Variants in ROBO2 observed in about 807,000 individuals in gnomAD.
The protein encoded by ROBO2 is roundabout guidance receptor 2, also known as roundabout homolog 2.
Under a neutral mutation model 160.8 loss-of-function variants are expected in ROBO2, and 53 were observed. The ratio of observed to expected loss-of-function variants is 0.33; its 90% CI spans 0.26 to 0.41. The LOEUF (loss-of-function observed/expected upper bound fraction) is 0.41. ROBO2 is among the 10% of genes least tolerant of loss of function. ROBO2 has a pLI of 1.00. For missense variants in ROBO2, 1,577 were observed against 1,722.4 expected, an observed-to-expected ratio of 0.92 and a Z score of 1.49; for synonymous variants, 664 against 611.7, an observed-to-expected ratio of 1.09 and a Z score of -1.26.
At chr3:76,943,687 C>T (rs916606335) in intron 2 of ROBO2, among the ~76,000 whole-genome samples, 26 of 152,182 alleles carry the variant, frequency 1.7e-4, no homozygotes, top group African/African-American at 6.0e-4. Context: ...AGAAAAGCCA[C>T]TGTTTGTATC....
At chr3:76,539,457 A>G (rs1255521248) in intron 2 of ROBO2, among the ~76,000 whole-genome samples, 3 of 152,166 alleles carry the variant, frequency 2.0e-5, no homozygotes, top group African/African-American at 7.2e-5. Context: ...AGAATAAACA[A>G]ATCAAATGGC....
intron 2 of ROBO2, among the ~76,000 whole-genome samples, chr3:76,934,785 A>T (rs1485011965): frequency 1.3e-5 from 2 of 152,098 alleles, no homozygotes; most frequent in African/African-American, 4.8e-5. Context: ...TTTAGAAGTA[A>T]CAGGATTACT....
At chr3:77,045,798 A>G (rs2064598379) in intron 1 of ROBO2, among the ~76,000 whole-genome samples, 1 of 152,136 alleles carries the variant, frequency 6.6e-6, no homozygotes, top group African/African-American at 2.4e-5. Flanking sequence ...ACAAGAAATC[A>G]CCACTCTACT....
In ROBO2 at chr3:76,882,565, G is replaced by T. The variant is rs1028781450; in HGVS notation, c.110-215449G>T. On this transcript the variant is annotated intron_variant, in intron 2 of 26. Transcript: ENST00000487694. ...AGCATTAGTGTTTTTAGCACTTTCAGTGCCTGTTACCTGTGTTTCTTAGCA... is the reference window on the plus strand; with the variant it reads ...AGCATTAGTGTTTTTAGCACTTTCATTGCCTGTTACCTGTGTTTCTTAGCA... Among the ~76,000 whole-genome samples, 18 of 151,572 alleles carry T rather than the reference G, an allele frequency of 1.2e-4. No homozygotes were observed. In the South Asian group the frequency reaches 1.5e-3, roughly 12 times the overall value.
In ROBO2 at chr3:76,631,691, G is replaced by T. The variant is rs78057933; in HGVS notation, c.110-466323G>T. Among the ~76,000 whole-genome samples, 10 of 152,232 alleles carry T rather than the reference G, an allele frequency of 6.6e-5. No homozygotes were observed. The East Asian group carries it at 1.7e-3, about 26-fold the overall frequency. ...GAGTTAGAGCATGGTCAGGGTGTCA[G>T]ATGTCTCTTCTTAATGGCAACTGGC... On this transcript the variant is annotated intron_variant, in intron 2 of 26. Transcript: ENST00000487694.
chr3:76,655,371 A>G (rs1575747990), intron 2 of ROBO2, among the ~76,000 whole-genome samples: 1 of 141,930 alleles, frequency 7.0e-6, no homozygotes. Flanking sequence ...AATATTTATA[A>G]AAACAAATTT....
At chr3:76,033,440 G>A (rs1465593859) in intron 2 of ROBO2, among the ~76,000 whole-genome samples, 1 of 152,108 alleles carries the variant, frequency 6.6e-6, no homozygotes, top group Admixed American at 6.6e-5. Flanking sequence ...TGCATATAGG[G>A]CCTGCTACTG....
At chr3:77,451,178 A>T (rs1350940720) in intron 2 of ROBO2, among the ~76,000 whole-genome samples, 1 of 152,146 alleles carries the variant, frequency 6.6e-6, no homozygotes, top group Non-Finnish European at 1.5e-5. Context: ...AATTTTCTTC[A>T]ATAGCTTAAA....
chr3:76,152,982 A>C (rs578103256), intron 2 of ROBO2, among the ~76,000 whole-genome samples: 1 of 152,296 alleles, frequency 6.6e-6, no homozygotes, highest in African/African-American at 2.4e-5. Flanking sequence ...CTATTAATTT[A>C]ACATATCAGT....
chr3:77,032,116 TG>T (rs1282802594), intron 2 of ROBO2, among the ~76,000 whole-genome samples: 5 of 152,150 alleles, frequency 3.3e-5, no homozygotes, highest in African/African-American at 1.2e-4. Context: ...ACTATCACAC[TG>T]GGGGTTAAGA....
intron 2 of ROBO2, among the ~76,000 whole-genome samples, chr3:76,965,783 G>GTATATA (rs1392105349): frequency 1.2e-4 from 8 of 68,016 alleles, no homozygotes; most frequent in African/African-American, 7.7e-4. Flanking sequence ...TATTGTGTTT[G>GTATATA]TGTATATATA....
At chr3:76,449,284 T>TA (rs1369105245) in intron 2 of ROBO2, among the ~76,000 whole-genome samples, 1 of 152,158 alleles carries the variant, frequency 6.6e-6, no homozygotes, top group Non-Finnish European at 1.5e-5. Context: ...GTGTATGAGC[T>TA]AAATTGAAAT....
chr3:76,273,120 AAT>A (rs749043409), intron 2 of ROBO2, among the ~76,000 whole-genome samples: 10,179 of 32,158 alleles, frequency 0.32, 1,053 homozygotes, highest in East Asian at 0.5. Flanking sequence ...CACACATATA[AAT>A]ATATATATAT....
chr3:75,944,079 T>G (rs1273881401), intron 2 of ROBO2, among the ~76,000 whole-genome samples: 1 of 152,094 alleles, frequency 6.6e-6, no homozygotes, highest in East Asian at 1.9e-4. Flanking sequence ...ACGAAATTTT[T>G]TCTAGGACTT....
At chr3:77,595,038 A>G (rs1373393859) in intron 17 of ROBO2, 104 bp from the exon 19 acceptor site, 7 of 864,100 alleles carry the variant, frequency 8.1e-6, no homozygotes, top group Non-Finnish European at 1.3e-5. Flanking sequence ...TAAAATTCCC[A>G]GAGGCCTCAG....
At chr3:76,069,577 A>C (rs2068376689) in intron 2 of ROBO2, among the ~76,000 whole-genome samples, 1 of 151,172 alleles carries the variant, frequency 6.6e-6, no homozygotes, top group African/African-American at 2.4e-5. Context: ...GTGGGTCTTA[A>C]ATAACTGACT....
intron 2 of ROBO2, among the ~76,000 whole-genome samples, chr3:77,282,950 C>T (rs17771104): frequency 0.33 from 47,711 of 145,892 alleles, 7,997 homozygotes; most frequent in Non-Finnish European, 0.38. Context: ...CATAAAGAGG[C>T]TTCTGCTTTT....
intron 2 of ROBO2, among the ~76,000 whole-genome samples, chr3:77,167,126 C>T (rs2079171296): frequency 6.6e-6 from 1 of 152,068 alleles, no homozygotes; most frequent in African/African-American, 2.4e-5. Flanking sequence ...CCCTTTAGAC[C>T]TAAATATCTC....
At chr3:76,126,546 T>C (rs1211322387) in intron 2 of ROBO2, among the ~76,000 whole-genome samples, 2 of 152,164 alleles carry the variant, frequency 1.3e-5, no homozygotes, top group African/African-American at 2.4e-5. Flanking sequence ...GTGCAAGAGC[T>C]TTGCTTCAAA....
Sources: gnomAD v4.1 joint callset for allele counts (sites outside exome capture counted in the v4.1 genomes callset) on GRCh38, gnomAD v4.1.1 for gene constraint, MANE v1.5 for transcripts, NCBI Gene and HGNC (gene_info 2026-07-23, HGNC 2026-07-21) for gene names.